CLASP2: variants seen among roughly 807,000 people sequenced by gnomAD.
The protein encoded by CLASP2 is cytoplasmic linker associated protein 2.
CLASP2 carries 47 observed loss-of-function variants against 194.4 expected under a neutral mutation model. The observed-to-expected ratio is 0.24, with a 90% CI of 0.19 to 0.31. CLASP2 has a LOEUF of 0.31. CLASP2 is among the 10% of genes least tolerant of loss of function. CLASP2 has a pLI of 1.00. For missense variants in CLASP2, 1,445 were observed against 1,823.6 expected (o/e 0.79, Z 3.78); for synonymous variants, 619 against 633.5 (o/e 0.98, Z 0.34).
chr3:33,568,553 C>CAAAAAAAA (rs568821764), intron 26 of CLASP2, among the ~76,000 whole-genome samples: 42 of 56,832 alleles, frequency 7.4e-4, no homozygotes, highest in African/African-American at 1.8e-3. Flanking sequence ...GATCTTGTCT[C>CAAAAAAAA]AAAAAAAAAA....
At chr3:33,666,718 T>C (rs953417731) in intron 6 of CLASP2, among the ~76,000 whole-genome samples, 2 of 152,216 alleles carry the variant, frequency 1.3e-5, no homozygotes, top group Admixed American at 1.3e-4. Flanking sequence ...CACTTGCATA[T>C]ACAGCCAGGA....
intron 8 of CLASP2, among the ~76,000 whole-genome samples, chr3:33,642,091 A>G (rs2081410310): frequency 6.6e-6 from 1 of 152,004 alleles, no homozygotes; most frequent in South Asian, 2.1e-4. Context: ...TTAATGCAAC[A>G]TAAAAAAGAA....
chr3:33,601,903 T>A (rs556789586), intron 18 of CLASP2, among the ~76,000 whole-genome samples: 18 of 152,320 alleles, frequency 1.2e-4, no homozygotes, highest in Admixed American at 7.8e-4. Flanking sequence ...TTATTTAAAA[T>A]GTTTGGGGCC....
intron 34 of CLASP2, among the ~76,000 whole-genome samples, chr3:33,534,109 G>C (rs2056873196): frequency 6.6e-6 from 1 of 152,068 alleles, no homozygotes; most frequent in Non-Finnish European, 1.5e-5. Context: ...GCAACATTAT[G>C]GGAATAAAGA....
chr3:33,501,389 T>C (rs1309657764), intron 38 of CLASP2, among the ~76,000 whole-genome samples: 6 of 152,266 alleles, frequency 3.9e-5, no homozygotes, highest in South Asian at 2.1e-4. Context: ...CTAACTATTA[T>C]AAATAACCAG....
At chr3:33,541,642 C>T (rs916481868) in intron 32 of CLASP2, among the ~76,000 whole-genome samples, 1 of 152,168 alleles carries the variant, frequency 6.6e-6, no homozygotes, top group Admixed American at 6.5e-5. Flanking sequence ...CCAGCTCCAT[C>T]TATGTCTCTG....
In CLASP2 at chr3:33,520,820, TACACACACACACAC is replaced by T. The variant is rs57151303; in HGVS notation, c.3788-3660_3788-3647del. On this transcript the variant is annotated intron_variant, in intron 34 of 38. Transcript: ENST00000682230. ...ATATGGAAACAGAGATGTAAATCTC[TACACACACACACAC>T]ACACACACACACACACACACACACA... Among the ~76,000 whole-genome samples, 182 of 142,528 alleles carry T rather than the reference TACACACACACACAC, an allele frequency of 1.3e-3. 1 individual carries two copies. The highest frequency in any genetic ancestry group is 3.5e-3 in the Middle Eastern group (1 of 288). The allele number at this position is 142,528 out of a possible 152,430, so 93.5% of individuals were successfully genotyped here.
At chr3:33,647,666 C>T (rs1028720288) in intron 7 of CLASP2, among the ~76,000 whole-genome samples, 1 of 152,060 alleles carries the variant, frequency 6.6e-6, no homozygotes, top group Non-Finnish European at 1.5e-5. Flanking sequence ...ATTTTATATA[C>T]AAAAACAGGA....
intron 24 of CLASP2, among the ~76,000 whole-genome samples, chr3:33,574,792 T>C (rs1208097278): frequency 6.6e-6 from 1 of 152,170 alleles, no homozygotes; most frequent in East Asian, 1.9e-4. Context: ...AGTGTATTTC[T>C]ATGATTTTCT....
At chr3:33,509,900 TTC>T (rs2049280959) in intron 37 of CLASP2, among the ~76,000 whole-genome samples, 1 of 152,208 alleles carries the variant, frequency 6.6e-6, no homozygotes, top group South Asian at 2.1e-4. Context: ...CACCCAGAAA[TTC>T]TGTTTCTAGA....
intron 36 of CLASP2, among the ~76,000 whole-genome samples, chr3:33,514,889 C>T (rs1389396369): frequency 6.6e-6 from 1 of 151,742 alleles, no homozygotes; most frequent in Non-Finnish European, 1.5e-5. Context: ...ACTACTCAGC[C>T]ATAGAAAGGA....
At chr3:33,593,879 T>C (rs1189611886) in intron 20 of CLASP2, among the ~76,000 whole-genome samples, 1 of 152,220 alleles carries the variant, frequency 6.6e-6, no homozygotes, top group Non-Finnish European at 1.5e-5. Context: ...AATCTTGTTC[T>C]GTTGCCCAGG....
Position 33,718,198 on chromosome 3 carries a change from C to A in CLASP2, c.-196G>T. On this transcript the variant is annotated 5_prime_UTR_variant, in exon 1 of 39. Transcript: ENST00000682230. ...CCCCAAACTAGTCAAACTCGGCGCC[C>A]CCCGATCCCCAGCCCGCTTCAGAGG... 1 of 379,068 alleles carries A rather than the reference C, an allele frequency of 2.6e-6. No individual in the cohort carries two copies. The highest frequency in any genetic ancestry group is 6.3e-5 in the South Asian group (1 of 15,962). 23.5% of individuals were successfully genotyped at this position (379,068 alleles called of 1,614,324 possible).
intron 6 of CLASP2, among the ~76,000 whole-genome samples, chr3:33,679,096 A>G (rs950618985): frequency 6.6e-6 from 1 of 152,204 alleles, no homozygotes; most frequent in Non-Finnish European, 1.5e-5. Flanking sequence ...AAATATGATA[A>G]AAGTGATCTT....
At chr3:33,580,262 T>C (rs1250261159) in intron 23 of CLASP2, among the ~76,000 whole-genome samples, 6 of 152,096 alleles carry the variant, frequency 3.9e-5, no homozygotes, top group Admixed American at 3.9e-4. Flanking sequence ...AATGAGAAAT[T>C]AACCACTAGA....
chr3:33,708,581 C>CA (rs2092845340), intron 1 of CLASP2, among the ~76,000 whole-genome samples: 11 of 148,010 alleles, frequency 7.4e-5, no homozygotes, highest in African/African-American at 2.5e-4. Flanking sequence ...CACACACACA[C>CA]CCCCCACATT....
intron 1 of CLASP2, among the ~76,000 whole-genome samples, chr3:33,713,835 A>AT (rs1470649984): frequency 6.6e-6 from 1 of 152,090 alleles, no homozygotes; most frequent in Non-Finnish European, 1.5e-5. Context: ...TGTTTTCTCC[A>AT]TTTTTTAACG....
At chr3:33,559,898 G>GA (rs1386614020) in intron 28 of CLASP2, among the ~76,000 whole-genome samples, 3 of 148,494 alleles carry the variant, frequency 2.0e-5, no homozygotes, top group Admixed American at 1.3e-4. Flanking sequence ...CCCTCTCAAA[G>GA]AAAAAAAAAG....
rs1031699552 is a variant in CLASP2 at position 33,543,357 on chromosome 3, A to G, written c.3404+76T>C. On this transcript the variant is annotated intron_variant, in intron 32 of 38. Coordinates refer to ENST00000682230, the MANE Select transcript of CLASP2 (RefSeq NM_001365631.1). ...CACCACACTCCAGCCTGGGCGACAG[A>G]GCAAGACTCTGTCTCAAAAAGAAAG... 6.5e-5 allele frequency: 67 copies of G among 1,028,178 alleles called. No homozygotes were observed. The African/African-American group carries it at 1.1e-3, about 16-fold the overall frequency. 63.7% of individuals were successfully genotyped at this position (1,028,178 alleles called of 1,614,324 possible).
Sources: allele counts gnomAD v4.1 joint callset (sites outside exome capture counted in the v4.1 genomes callset), GRCh38; gene constraint gnomAD v4.1.1; transcripts MANE v1.5; gene names NCBI Gene and HGNC (gene_info 2026-07-23, HGNC 2026-07-21).